The following TMEM132B variants were observed in gnomAD, a reference collection of about 807,000 sequenced individuals.
TMEM132B encodes the protein transmembrane protein 132B.
A neutral mutation model predicts 90.8 loss-of-function variants in TMEM132B; 18 were observed. The ratio of observed to expected loss-of-function variants is 0.20; its 90% confidence interval spans 0.14 to 0.29. The LOEUF is 0.29. Among genes scored for constraint, TMEM132B ranks in the 10% least tolerant of loss-of-function variants. The probability of loss-of-function intolerance (pLI) is 1.00; values close to 1 mark genes in which losing one functional copy is unlikely to be tolerated. For synonymous variants in TMEM132B, 504 were observed against 523.3 expected, an observed-to-expected ratio of 0.96 and a Z score of 0.50; for missense variants, 1,096 against 1,326.8, an observed-to-expected ratio of 0.83 and a Z score of 2.70.
intron 5 of TMEM132B, among the ~76,000 whole-genome samples, chr12:125,609,749 G>A (rs1187730001): frequency 6.7e-6 from 1 of 148,408 alleles, no homozygotes; most frequent in South Asian, 2.1e-4. Flanking sequence ...CCTGGGAGGC[G>A]GAGGTTGCAG....
intron 1 of TMEM132B, among the ~76,000 whole-genome samples, chr12:125,188,869 AAAAAG>A (rs1230753507): frequency 2.0e-5 from 3 of 151,422 alleles, no homozygotes; most frequent in Non-Finnish European, 4.4e-5. Flanking sequence ...AAAAAAAAAA[AAAAAG>A]AAAAAAAGAA....
chr12:125,648,258 A>G (rs573638387), intron 6 of TMEM132B, among the ~76,000 whole-genome samples: 51 of 152,204 alleles, frequency 3.4e-4, no homozygotes, highest in African/African-American at 1.2e-3. Context: ...GCTGCATAGT[A>G]TTCCATGGTG....
chr12:125,593,675 G>A lies in TMEM132B; in HGVS notation c.1437+9681G>A, dbSNP rs1419187591. On this transcript the variant is annotated intron_variant, in intron 5 of 8. Transcript: ENST00000682704. Reference sequence around the variant, plus strand: ...GAAGGGGACTCTCATTCATGTTTGGGTACTTGGTTCACAATTTAGACTCCT... The same window carrying A: ...GAAGGGGACTCTCATTCATGTTTGGATACTTGGTTCACAATTTAGACTCCT... Among the ~76,000 whole-genome samples the A allele has an allele frequency of 2.6e-5, 4 of 152,098 alleles. No homozygotes were observed. In the South Asian group the frequency reaches 8.3e-4, roughly 32 times the overall value.
intron 5 of TMEM132B, among the ~76,000 whole-genome samples, chr12:125,615,651 A>G (rs60410702): frequency 0.067 from 10,126 of 152,226 alleles, 405 homozygotes; most frequent in East Asian, 0.15. Context: ...AATTCTGAAC[A>G]TATTTATGTC....
Position 125,650,782 on chromosome 12 carries a change from T to A in TMEM132B, c.1743T>A (p.Phe581Leu). The change falls in exon 7 of 9, where the codon TTT becomes TTA. Residue 581 changes from phenylalanine (F) to leucine (L), a missense_variant. By Grantham distance (22) the Phe-to-Leu change is conservative. Transcript: ENST00000682704. ...QHATVRVLTQ[F>L]VAESPDLGQL... ...CCACAGTGCGTGTCCTCACCCAGTT[T>A]GTGGCCGAGTCACCTGACTTAGGGC... is the stretch of plus-strand genomic sequence containing the variant. The A allele has an allele frequency of 6.2e-7, 1 of 1,614,246 alleles. No homozygotes were observed. The highest frequency in any genetic ancestry group is 8.5e-7 in the Non-Finnish European group (1 of 1,180,046).
rs573257414 is a variant in TMEM132B at position 125,224,616 on chromosome 12, G to A, written c.67+37750G>A. 2.0e-5 allele frequency among the ~76,000 whole-genome samples: 3 copies of A among 152,320 alleles called. No homozygotes were observed. The South Asian group carries it at 6.2e-4, about 32-fold the overall frequency. ...GCAGACCCTTCCCTGCCTGTCTTGG[G>A]GCAGCACTTCTGAGGGCAGCTGCTC... On this transcript the variant is annotated intron_variant, in intron 1 of 8. Coordinates refer to ENST00000682704, the MANE Select transcript of TMEM132B (RefSeq NM_001366854.1).
At chr12:125,598,715 A>G (rs1885502973) in intron 5 of TMEM132B, among the ~76,000 whole-genome samples, 1 of 152,240 alleles carries the variant, frequency 6.6e-6, no homozygotes. Flanking sequence ...CAAACCTTAC[A>G]TGATCCATTG....
At chr12:125,539,073 C>T (rs1350273292) in intron 4 of TMEM132B, among the ~76,000 whole-genome samples, 2 of 152,198 alleles carry the variant, frequency 1.3e-5, no homozygotes, top group African/African-American at 4.8e-5. Flanking sequence ...CATCTATTCT[C>T]CACACCACAG....
At chr12:125,269,192 G>C (rs921852121) in intron 1 of TMEM132B, among the ~76,000 whole-genome samples, 1 of 152,198 alleles carries the variant, frequency 6.6e-6, no homozygotes, top group Non-Finnish European at 1.5e-5. Context: ...GTTTCCCTTA[G>C]GTTTACTTCA....
rs150669607 is a variant in TMEM132B, at chr12:125,275,656, C to A, written c.68-73796C>A. On this transcript the variant is annotated intron_variant, in intron 1 of 8. Coordinates refer to ENST00000682704, the MANE Select transcript of TMEM132B (RefSeq NM_001366854.1). ...AGATGGTAAGTTGACTATGTCCCAC[C>A]TTCCTAGCTTTGGAGATTATTGTAA... Among the ~76,000 whole-genome samples the A allele has an allele frequency of 2.2e-4, 34 of 152,318 alleles. 1 individual carries two copies. The highest frequency in any genetic ancestry group is 7.5e-4 in the African/African-American group (31 of 41,588).
intron 1 of TMEM132B, among the ~76,000 whole-genome samples, chr12:125,315,538 A>G (rs879480565): frequency 2.6e-5 from 4 of 152,208 alleles, no homozygotes; most frequent in Non-Finnish European, 5.9e-5. Flanking sequence ...TTTTCCAGCC[A>G]CTGCTCTGAA....
intron 4 of TMEM132B, among the ~76,000 whole-genome samples, chr12:125,536,142 A>G (rs191948471): frequency 2.0e-5 from 3 of 152,332 alleles, no homozygotes; most frequent in Non-Finnish European, 4.4e-5. Flanking sequence ...AATGAAGGAC[A>G]GGGTGTCAGG....
chr12:125,531,645 G>T (rs1031095400), intron 4 of TMEM132B, among the ~76,000 whole-genome samples: 2 of 152,194 alleles, frequency 1.3e-5, no homozygotes, highest in South Asian at 4.1e-4. Context: ...GAAGGTTTCT[G>T]TCTCTTAGGT....
intron 3 of TMEM132B, among the ~76,000 whole-genome samples, chr12:125,431,933 T>G (rs1457760536): frequency 6.6e-6 from 1 of 152,182 alleles, no homozygotes; most frequent in African/African-American, 2.4e-5. Context: ...TCTGGTGACT[T>G]CACTGCAGTG....
intron 3 of TMEM132B, among the ~76,000 whole-genome samples, chr12:125,479,217 A>G (rs1044640037): frequency 6.6e-6 from 1 of 152,224 alleles, no homozygotes; most frequent in Non-Finnish European, 1.5e-5. Context: ...TGGGAAAAAT[A>G]ACCAGTTAAT....
intron 1 of TMEM132B, among the ~76,000 whole-genome samples, chr12:125,305,677 G>A (rs1358687126): frequency 1.3e-5 from 2 of 152,142 alleles, no homozygotes; most frequent in Non-Finnish European, 2.9e-5. Context: ...TACATGCTTT[G>A]TGGGATGGCA....
chr12:125,468,934 C>T (rs1203341917), intron 3 of TMEM132B, among the ~76,000 whole-genome samples: 1 of 152,178 alleles, frequency 6.6e-6, no homozygotes, highest in Non-Finnish European at 1.5e-5. Flanking sequence ...GATTTTTATA[C>T]ATTGATTTTG....
At chr12:125,467,770 T>C (rs1224487236) in intron 3 of TMEM132B, among the ~76,000 whole-genome samples, 1 of 152,176 alleles carries the variant, frequency 6.6e-6, no homozygotes, top group Non-Finnish European at 1.5e-5. Flanking sequence ...CCATTCTCCT[T>C]TCTCATATTC....
chr12:125,483,984 T>C (rs1364532183), intron 3 of TMEM132B, among the ~76,000 whole-genome samples: 1 of 152,192 alleles, frequency 6.6e-6, no homozygotes, highest in African/African-American at 2.4e-5. Context: ...AGTCTAAACC[T>C]GCGGGGAGCC....
Sources: allele counts gnomAD v4.1 joint callset (sites outside exome capture counted in the v4.1 genomes callset), GRCh38; gene constraint gnomAD v4.1.1; transcripts MANE v1.5; gene names NCBI Gene and HGNC (gene_info 2026-07-23, HGNC 2026-07-21).